RERE: variants seen among roughly 807,000 people sequenced by gnomAD.
RERE encodes the protein arginine-glutamic acid dipeptide repeats protein.
A neutral mutation model predicts 146.1 loss-of-function variants in RERE; 40 were observed. That is an observed-to-expected ratio of 0.27 (90% CI 0.21 to 0.36). The LOEUF is 0.36. Among genes scored for constraint, RERE ranks in the 10% least tolerant of loss-of-function variants. The pLI is 1.00. For missense variants in RERE, 1,933 were observed against 2,138.7 expected, an observed-to-expected ratio of 0.90 and a Z score of 1.90; for synonymous variants, 1,003 against 866.0, an observed-to-expected ratio of 1.16 and a Z score of -2.78.
intron 1 of RERE, among the ~76,000 whole-genome samples, chr1:8,710,223 A>G (rs1300518493): frequency 6.6e-6 from 1 of 152,206 alleles, no homozygotes; most frequent in Non-Finnish European, 1.5e-5. Flanking sequence ...GACACTCTCA[A>G]TCCCAAACCA....
chr1:8,541,368 T>C, intron 6 of RERE, 50 bp from the exon 7 acceptor site: 1 of 1,159,726 alleles, frequency 8.6e-7, no homozygotes, highest in East Asian at 2.3e-5. Flanking sequence ...CTGCTTTTGC[T>C]AACCAAAACT....
intron 4 of RERE, among the ~76,000 whole-genome samples, chr1:8,586,960 A>G (rs1369123070): frequency 1.3e-5 from 2 of 152,184 alleles, no homozygotes; most frequent in Non-Finnish European, 2.9e-5. Context: ...GGAAACTAAA[A>G]TTTAAGAATA....
intron 1 of RERE, among the ~76,000 whole-genome samples, chr1:8,748,056 G>A (rs999185903): frequency 1.3e-5 from 2 of 152,134 alleles, no homozygotes; most frequent in African/African-American, 4.8e-5. Flanking sequence ...GGGATTACAA[G>A]CGTGAGCCAC....
chr1:8,359,010 C>T (rs569476657), intron 19 of RERE, 94 bp from the exon 20 acceptor site: 93 of 1,431,404 alleles, frequency 6.5e-5, no homozygotes, highest in Non-Finnish European at 7.8e-5. Context: ...CTGCTCCTGG[C>T]CTGCTCTGAC....
chr1:8,474,960 C>G (rs1203700552), intron 10 of RERE, among the ~76,000 whole-genome samples: 1 of 152,018 alleles, frequency 6.6e-6, no homozygotes, highest in African/African-American at 2.4e-5. Flanking sequence ...GTCAAAATAA[C>G]TGAGAAAGGA....
At chr1:8,538,930 A>T (rs142478237) in intron 7 of RERE, among the ~76,000 whole-genome samples, 1 of 152,366 alleles carries the variant, frequency 6.6e-6, no homozygotes, top group East Asian at 1.9e-4. Flanking sequence ...GCAGCACACA[A>T]TGAAAAATAA....
intron 1 of RERE, among the ~76,000 whole-genome samples, chr1:8,666,724 T>C (rs1186842964): frequency 1.3e-5 from 2 of 152,216 alleles, no homozygotes; most frequent in African/African-American, 2.4e-5. Flanking sequence ...CACTGAAATA[T>C]GAAGTCAGCA....
At chr1:8,389,178 C>G (rs542564301) in intron 12 of RERE, among the ~76,000 whole-genome samples, 1 of 152,296 alleles carries the variant, frequency 6.6e-6, no homozygotes, top group African/African-American at 2.4e-5. Flanking sequence ...AGCTGTGCTT[C>G]TAGATAAGGC....
intron 1 of RERE, among the ~76,000 whole-genome samples, chr1:8,758,756 A>G (rs1304922446): frequency 2.6e-5 from 4 of 152,100 alleles, no homozygotes; most frequent in African/African-American, 9.7e-5. Flanking sequence ...GTGAGGAGGA[A>G]TAAGTTCAAG....
intron 1 of RERE, among the ~76,000 whole-genome samples, chr1:8,686,875 G>C (rs1453347026): frequency 6.6e-6 from 1 of 152,172 alleles, no homozygotes; most frequent in South Asian, 2.1e-4. Context: ...ACTCGAAAGC[G>C]GGACGGTGAG....
chr1:8,573,023 C>T (rs1646241123), intron 4 of RERE, among the ~76,000 whole-genome samples: 1 of 152,190 alleles, frequency 6.6e-6, no homozygotes, highest in Admixed American at 6.5e-5. Context: ...GTTTCTCTAC[C>T]TACAGGACCT....
intron 7 of RERE, among the ~76,000 whole-genome samples, chr1:8,531,043 A>G (rs1006731011): frequency 7.0e-6 from 1 of 142,736 alleles, no homozygotes; most frequent in Non-Finnish European, 1.6e-5. Context: ...CTATCTATCT[A>G]TCTATCTATC....
intron 4 of RERE, among the ~76,000 whole-genome samples, chr1:8,577,305 T>G (rs565740343): frequency 3.3e-4 from 51 of 152,338 alleles, no homozygotes; most frequent in Non-Finnish European, 5.4e-4. Flanking sequence ...GCCTTTGCTC[T>G]CTCTCTCTCC....
chr1:8,545,624 A>C (rs1009423639), intron 6 of RERE, among the ~76,000 whole-genome samples: 1 of 151,912 alleles, frequency 6.6e-6, no homozygotes, highest in Non-Finnish European at 1.5e-5. Context: ...ATCATTATTA[A>C]GATGGAGTCT....
At chr1:8,448,874 AAAGG>A (rs1211762640) in intron 11 of RERE, among the ~76,000 whole-genome samples, 1 of 152,144 alleles carries the variant, frequency 6.6e-6, no homozygotes, top group Non-Finnish European at 1.5e-5. Context: ...CAAAAAAAAA[AAAGG>A]AAGAAGAACC....
chr1:8,716,873 C>T (rs990863363), intron 1 of RERE, among the ~76,000 whole-genome samples: 1 of 152,010 alleles, frequency 6.6e-6, no homozygotes, highest in Non-Finnish European at 1.5e-5. Context: ...ACGTAGGCAT[C>T]GGACTGAAAT....
chr1:8,512,182 C>T (rs1339849732), intron 7 of RERE, among the ~76,000 whole-genome samples: 9 of 148,526 alleles, frequency 6.1e-5, no homozygotes, highest in South Asian at 2.2e-4. Flanking sequence ...TACAGGCGCC[C>T]GCCACCGCGC....
At chr1:8,509,281 G>C (rs1169124005) in intron 7 of RERE, among the ~76,000 whole-genome samples, 1 of 151,986 alleles carries the variant, frequency 6.6e-6, no homozygotes, top group Non-Finnish European at 1.5e-5. Flanking sequence ...TCAGAGAGAT[G>C]GACATTCCTG....
At chr1:8,788,412 T>G (rs977506866) in intron 1 of RERE, among the ~76,000 whole-genome samples, 3 of 150,390 alleles carry the variant, frequency 2.0e-5, no homozygotes, top group African/African-American at 7.3e-5. Flanking sequence ...TTGCCCAGGC[T>G]GGAGCGCAGT....
Sources: gnomAD v4.1 joint callset for allele counts (sites outside exome capture counted in the v4.1 genomes callset) on GRCh38, gnomAD v4.1.1 for gene constraint, MANE v1.5 for transcripts, NCBI Gene and HGNC (gene_info 2026-07-23, HGNC 2026-07-21) for gene names.